The following AFG2A variants were observed in gnomAD, a reference collection of about 807,000 sequenced individuals.
AFG2A encodes ATPase family gene 2 protein homolog A.
the AFG2A span, among the ~76,000 whole-genome samples, chr4:123,288,030 A>G: frequency 0.51 from 78,134 of 151,932 alleles, 24,671 homozygotes; most frequent in Non-Finnish European, 0.67. Context: ...GGGGTTCTAG[A>G]GCCCAGTTGA....
the AFG2A span, among the ~76,000 whole-genome samples, chr4:123,139,853 T>C: frequency 1.3e-5 from 2 of 152,200 alleles, no homozygotes; most frequent in South Asian, 4.1e-4. Context: ...TTCTATTAAA[T>C]TTTATAAGCC....
the AFG2A span, among the ~76,000 whole-genome samples, chr4:123,038,293 A>G: frequency 6.6e-6 from 1 of 152,070 alleles, no homozygotes; most frequent in Non-Finnish European, 1.5e-5. Context: ...AGTAAAAGGG[A>G]TAAGACATAG....
the AFG2A span, among the ~76,000 whole-genome samples, chr4:123,141,820 C>G: frequency 6.6e-6 from 1 of 152,114 alleles, no homozygotes. Context: ...AATCCCTTAT[C>G]AGATAGATGA....
chr4:123,318,374 T>G, the AFG2A span: 1 of 152,230 alleles, frequency 6.6e-6, no homozygotes, highest in Admixed American at 6.5e-5. Context: ...AAGTTATGAA[T>G]TTTTAAAGAT....
chr4:123,012,524 G>C, the AFG2A span, among the ~76,000 whole-genome samples: 124,101 of 152,094 alleles, frequency 0.82, 52,232 homozygotes, highest in East Asian at 0.96. Flanking sequence ...CAAGGCAGGC[G>C]TCCCTGCGGT....
At chr4:122,991,581 A>C in the AFG2A span, among the ~76,000 whole-genome samples, 2 of 152,210 alleles carry the variant, frequency 1.3e-5, no homozygotes, top group African/African-American at 4.8e-5. Context: ...ATTAACTATC[A>C]AAAGCTAAAG....
the AFG2A span, among the ~76,000 whole-genome samples, chr4:123,031,186 C>G: frequency 0.019 from 2,937 of 152,140 alleles, 73 homozygotes; most frequent in East Asian, 0.15. Context: ...GAGTCTTGTT[C>G]TATCGCCCAG....
chr4:123,192,980 A>G, the AFG2A span, among the ~76,000 whole-genome samples: 4 of 152,224 alleles, frequency 2.6e-5, no homozygotes, highest in African/African-American at 7.2e-5. Flanking sequence ...AGTAGGCATT[A>G]ACTTGTTATC....
the AFG2A span, among the ~76,000 whole-genome samples, chr4:123,306,745 C>T: frequency 7.2e-5 from 11 of 152,180 alleles, no homozygotes; most frequent in East Asian, 9.7e-4. Context: ...TTAGTAGAAA[C>T]GGGGTTTCAC....
chr4:123,057,404 TA>T, the AFG2A span: 1 of 1,139,468 alleles, frequency 8.8e-7, no homozygotes, highest in South Asian at 1.7e-5. Flanking sequence ...ACATTTGGCC[TA>T]AAAAAGTTTT....
chr4:123,098,764 C>A, the AFG2A span, among the ~76,000 whole-genome samples: 4,326 of 151,940 alleles, frequency 0.028, 108 homozygotes, highest in Non-Finnish European at 0.04. Context: ...TCCGCTTATT[C>A]TTCGATGCAT....
chr4:123,310,309 A>G, the AFG2A span, among the ~76,000 whole-genome samples: 2 of 152,192 alleles, frequency 1.3e-5, no homozygotes, highest in Non-Finnish European at 2.9e-5. Context: ...TGAAAACACT[A>G]TCATTGTGAA....
chr4:123,093,035 A>G, the AFG2A span, among the ~76,000 whole-genome samples: 30 of 152,166 alleles, frequency 2.0e-4, no homozygotes, highest in African/African-American at 6.5e-4. Context: ...CCTTCGCAGT[A>G]GCACCTAGAT....
chr4:123,002,696 C>T, the AFG2A span, among the ~76,000 whole-genome samples: 1 of 152,160 alleles, frequency 6.6e-6, no homozygotes, highest in African/African-American at 2.4e-5. Context: ...ATGGGCTTCC[C>T]TTTGTGGGTA....
chr4:123,056,785 A>G, the AFG2A span, among the ~76,000 whole-genome samples: 3 of 152,326 alleles, frequency 2.0e-5, no homozygotes, highest in African/African-American at 7.2e-5. Flanking sequence ...ATTGTGCCAA[A>G]TGCTTTGTGT....
chr4:123,048,345 C>G, the AFG2A span, among the ~76,000 whole-genome samples: 6 of 152,096 alleles, frequency 3.9e-5, no homozygotes, highest in Admixed American at 3.9e-4. Context: ...TACTCAGGGT[C>G]TTGTGTGGAT....
chr4:122,943,712 T>G, the AFG2A span, among the ~76,000 whole-genome samples: 1 of 152,214 alleles, frequency 6.6e-6, no homozygotes, highest in African/African-American at 2.4e-5. Context: ...CATTAGTTGA[T>G]GCAGTTTCTT....
chr4:123,060,597 G>A, the AFG2A span, among the ~76,000 whole-genome samples: 1 of 152,182 alleles, frequency 6.6e-6, no homozygotes, highest in Non-Finnish European at 1.5e-5. Flanking sequence ...AGGGCACCAA[G>A]TCCTGAGGAT....
chr4:123,126,222 T>C, the AFG2A span, among the ~76,000 whole-genome samples: 280 of 152,350 alleles, frequency 1.8e-3, 2 homozygotes, highest in African/African-American at 6.4e-3. Context: ...CTTTTGCTTA[T>C]TTTGTCTCCT....
Sources: gnomAD v4.1 joint callset for allele counts (sites outside exome capture counted in the v4.1 genomes callset) on GRCh38, gnomAD v4.1.1 for gene constraint, MANE v1.5 for transcripts, NCBI Gene and HGNC (gene_info 2026-07-23, HGNC 2026-07-21) for gene names.